LYST: variants seen among roughly 807,000 people sequenced by gnomAD.
LYST encodes the protein lysosomal-trafficking regulator.
A neutral mutation model predicts 413.6 loss-of-function variants in LYST; 192 were observed. The ratio of observed to expected loss-of-function variants is 0.46; its 90% confidence interval spans 0.41 to 0.52. The LOEUF is 0.52. Ranked by LOEUF, LYST falls within the 20% of genes least tolerant of loss-of-function variation. The probability of loss-of-function intolerance (pLI) is 0.00; values close to 1 mark genes in which losing one functional copy is unlikely to be tolerated. For synonymous variants in LYST, 1,525 were observed against 1,567.3 expected (o/e 0.97, Z 0.64); for missense variants, 3,815 against 4,499.9 (o/e 0.85, Z 4.35).
At chr1:235,673,039 T>G (rs1251454929) in intron 50 of LYST, among the ~76,000 whole-genome samples, 1 of 152,054 alleles carries the variant, frequency 6.6e-6, no homozygotes, top group African/African-American at 2.4e-5. Context: ...CTCGAGCCCA[T>G]CTGGGAAGGA....
chr1:235,819,699 G>A (rs1157290885), intron 3 of LYST, among the ~76,000 whole-genome samples: 3 of 152,226 alleles, frequency 2.0e-5, no homozygotes, highest in African/African-American at 7.2e-5. Flanking sequence ...CAGCTGGAGT[G>A]CAGTGGCGTG....
At chr1:235,824,544 A>G (rs1675116445) in intron 3 of LYST, among the ~76,000 whole-genome samples, 1 of 152,206 alleles carries the variant, frequency 6.6e-6, no homozygotes, top group South Asian at 2.1e-4. Flanking sequence ...GGGTGCCAAG[A>G]TTAAAAGCAA....
chr1:235,738,674 A>G, intron 31 of LYST: 6 of 1,607,302 alleles, frequency 3.7e-6, no homozygotes, highest in Non-Finnish European at 4.3e-6. Context: ...TAGATAAGGA[A>G]CAGTGGAAAG....
chr1:235,738,475 T>C (rs1665018036), intron 31 of LYST: 2 of 1,612,322 alleles, frequency 1.2e-6, no homozygotes, highest in African/African-American at 1.3e-5. Context: ...AACCATGTTA[T>C]TGGAAGTGGT....
chr1:235,765,954 C>G (rs1159264987), intron 21 of LYST, 125 bp downstream of exon 21: 2 of 819,084 alleles, frequency 2.4e-6, no homozygotes, highest in African/African-American at 3.4e-5. Flanking sequence ...TCTGCCCTAT[C>G]CCAACCCCAA....
chr1:235,765,035 T>C (rs1477613581), intron 21 of LYST, among the ~76,000 whole-genome samples: 1 of 152,216 alleles, frequency 6.6e-6, no homozygotes, highest in Non-Finnish European at 1.5e-5. Context: ...TTTCCTTCTC[T>C]TGCTCTACTT....
Position 235,686,907 on chromosome 1 carries a change from T to C in LYST, c.10800+42A>G. On this transcript the variant is annotated intron_variant, in intron 48 of 52. Coordinates refer to ENST00000389793, the MANE Select transcript of LYST (RefSeq NM_000081.4). The surrounding 1 kb of genome is among the most constrained non-coding windows in gnomAD (Gnocchi z 4.0). The stretch of plus-strand genomic sequence containing the variant: ...TTCATAAAGGCTTTCTTCCCCTCAT[T>C]GACAAAGTCCCATACTACCCACACA... 7.0e-7 allele frequency: 1 copy of C among 1,427,300 alleles called. No individual in the cohort carries two copies. Among genetic ancestry groups the C allele is most frequent in the South Asian group, 1.1e-5 (1 of 87,250 alleles). The allele number at this position is 1,427,300 out of a possible 1,614,324, so 88.4% of individuals were successfully genotyped here.
intron 36 of LYST, 57 bp from the exon 37 acceptor site, chr1:235,729,714 G>T (rs943537284): frequency 2.5e-6 from 3 of 1,214,976 alleles, no homozygotes; most frequent in Non-Finnish European, 2.4e-6. Context: ...TTTCAGAGAG[G>T]ATATGCTTTA....
In LYST at chr1:235,737,916, A is replaced by ATAATTCAT; in HGVS notation, c.8359-3258_8359-3257insATGAATTA. The ATAATTCAT allele has an allele frequency of 2.2e-5, 26 of 1,163,404 alleles. No individual in the cohort carries two copies. In the Admixed American group the frequency reaches 2.6e-4, roughly 12 times the overall value. 72.1% of individuals were successfully genotyped at this position (1,163,404 alleles called of 1,614,324 possible). A position where few individuals can be genotyped will look rare whatever the true frequency, so the allele number is the denominator to read the frequency against. On this transcript the variant is annotated intron_variant, in intron 31 of 52. Coordinates refer to ENST00000389793, the MANE Select transcript of LYST (RefSeq NM_000081.4). The stretch of plus-strand genomic sequence containing the variant: ...GAAGGTGCTGGAGCCGCTGCCGACG[A>ATAATTCAT]GTCTGGATCTCACTGCCGCGTGCCC...
intron 43 of LYST, among the ~76,000 whole-genome samples, chr1:235,711,357 G>A (rs1180474705): frequency 6.6e-6 from 1 of 152,124 alleles, no homozygotes; most frequent in Non-Finnish European, 1.5e-5. Context: ...ATCTACTGAT[G>A]ATTCAATAAT....
intron 29 of LYST, among the ~76,000 whole-genome samples, chr1:235,745,017 T>A (rs975022184): frequency 6.6e-6 from 1 of 152,196 alleles, no homozygotes; most frequent in Admixed American, 6.5e-5. Flanking sequence ...CCTGTCTTCC[T>A]CGGGTTACCT....
chr1:235,693,495 G>A lies in LYST; in HGVS notation c.10565-9C>T. On this transcript the variant is annotated splice_polypyrimidine_tract_variant and intron_variant, in intron 46 of 52. Coordinates refer to ENST00000389793, the MANE Select transcript of LYST (RefSeq NM_000081.4). ...GTTCATGCTTCTCACACCTCAAGGA[G>A]AAGGAGAAAGAAAAGTATCAGATTG... 2.5e-6 allele frequency: 4 copies of A among 1,613,940 alleles called. No individual in the cohort carries two copies. The highest frequency in any genetic ancestry group is 3.4e-6 in the Non-Finnish European group (4 of 1,179,980).
At chr1:235,799,454 G>C (rs567668386) in intron 10 of LYST, among the ~76,000 whole-genome samples, 2 of 152,246 alleles carry the variant, frequency 1.3e-5, no homozygotes, top group African/African-American at 4.8e-5. Flanking sequence ...CCAGTAGTAA[G>C]ATCCAGATAT....
intron 46 of LYST, among the ~76,000 whole-genome samples, chr1:235,695,836 C>T (rs1041505134): frequency 3.3e-5 from 5 of 151,890 alleles, no homozygotes; most frequent in Non-Finnish European, 4.4e-5. Flanking sequence ...GGGGTTTCAC[C>T]GTGTTAACCA....
intron 47 of LYST, among the ~76,000 whole-genome samples, chr1:235,689,376 A>T (rs1660472982): frequency 6.6e-6 from 1 of 152,194 alleles, no homozygotes; most frequent in African/African-American, 2.4e-5. Context: ...ACACTGTATT[A>T]AGTAAAATCT....
intron 50 of LYST, among the ~76,000 whole-genome samples, chr1:235,672,059 G>A (rs1019303593): frequency 6.6e-6 from 1 of 152,074 alleles, no homozygotes; most frequent in Non-Finnish European, 1.5e-5. Flanking sequence ...AAGGAGAAGA[G>A]TAAAGGATGA....
intron 50 of LYST, among the ~76,000 whole-genome samples, chr1:235,669,758 G>A (rs919289558): frequency 4.6e-5 from 7 of 152,188 alleles, no homozygotes; most frequent in Non-Finnish European, 8.8e-5. Context: ...ACTGCCGAGT[G>A]TACTTTCATT....
Position 235,791,886 on chromosome 1 carries a change from G to A in LYST, c.4356C>T (p.His1452=), listed in dbSNP as rs752985483. 1 of 1,614,158 alleles carries A rather than the reference G, an allele frequency of 6.2e-7. No individual in the cohort carries two copies. Among genetic ancestry groups the A allele is most frequent in the Non-Finnish European group, 8.5e-7 (1 of 1,180,010 alleles). Residue 1452 remains histidine (H), a synonymous_variant, in exon 12 of 53, where the codon CAC becomes CAT. Coordinates refer to ENST00000389793, the MANE Select transcript of LYST (RefSeq NM_000081.4). ...SFPHRLLSSW[H]IAPVHLPLLG... ...GCAACGGCAGGTGGACTGGGGCTATGTGCCAAGATGAAAGCAGCCGATGGG... is the reference window on the plus strand; with the variant it reads ...GCAACGGCAGGTGGACTGGGGCTATATGCCAAGATGAAAGCAGCCGATGGG...
intron 38 of LYST, 106 bp downstream of exon 38, chr1:235,727,970 A>G: frequency 1.2e-6 from 1 of 862,578 alleles, no homozygotes; most frequent in South Asian, 1.3e-5. Context: ...ATAGAGTGAC[A>G]AAGAATGAAC....
Sources: allele counts gnomAD v4.1 joint callset (sites outside exome capture counted in the v4.1 genomes callset), GRCh38; gene constraint gnomAD v4.1.1; non-coding constraint Gnocchi (gnomAD v3.1); transcripts MANE v1.5; gene names NCBI Gene and HGNC (gene_info 2026-07-23, HGNC 2026-07-21).